Variants in ACBD5 observed in about 807,000 individuals in gnomAD.
ACBD5 encodes the protein acyl-CoA-binding domain-containing protein 5.
Under a neutral mutation model 71.8 loss-of-function variants are expected in ACBD5, and 40 were observed. The observed-to-expected ratio is 0.56, with a 90% CI of 0.43 to 0.72. The LOEUF (loss-of-function observed/expected upper bound fraction) is 0.72, where lower values mean the gene tolerates loss of function less well. ACBD5 is among the 30% of genes least tolerant of loss of function. ACBD5 has a pLI of 0.00. For missense variants in ACBD5, 559 were observed against 644.5 expected (o/e 0.87, Z 1.44); for synonymous variants, 229 against 218.6 (o/e 1.05, Z -0.42).
chr10:27,239,146 G>T (rs955570207), intron 2 of ACBD5, among the ~76,000 whole-genome samples: 1 of 152,168 alleles, frequency 6.6e-6, no homozygotes, highest in Non-Finnish European at 1.5e-5. Context: ...GAGGTGAGCT[G>T]AGATTGTACC....
In ACBD5 at chr10:27,233,420, C is replaced by T. The variant is rs1392649722; in HGVS notation, c.303-1600G>A. 6.9e-5 allele frequency among the ~76,000 whole-genome samples: 8 copies of T among 115,456 alleles called. No individual in the cohort carries two copies. The South Asian group carries it at 1.2e-3, about 18-fold the overall frequency. 75.7% of individuals were successfully genotyped at this position (115,456 alleles called of 152,430 possible). A position where few individuals can be genotyped will look rare whatever the true frequency, so the allele number is the denominator to read the frequency against. ...CAGCCTGGGCGACAGAGTGAGACTCCGTCTGAAGAAAAAAAAAAAAAAAAA... is the reference window on the plus strand; with the variant it reads ...CAGCCTGGGCGACAGAGTGAGACTCTGTCTGAAGAAAAAAAAAAAAAAAAA... On this transcript the variant is annotated intron_variant, in intron 3 of 12. Coordinates refer to ENST00000396271, the MANE Select transcript of ACBD5 (RefSeq NM_145698.5).
Position 27,197,211 on chromosome 10 carries a change from A to T in ACBD5, c.*219T>A. The T allele has an allele frequency of 1.6e-6, 1 of 644,158 alleles. No homozygotes were observed. Among genetic ancestry groups the T allele is most frequent in the Non-Finnish European group, 2.9e-6 (1 of 347,486 alleles). 39.9% of individuals were successfully genotyped at this position (644,158 alleles called of 1,614,324 possible). On this transcript the variant is annotated 3_prime_UTR_variant, in exon 13 of 13. Coordinates refer to ENST00000396271, the MANE Select transcript of ACBD5 (RefSeq NM_145698.5). ...CTGTGTATACTACTTATAACCTAGT[A>T]GAGATTGATTATTCAAGTATCAGCA...
intron 9 of ACBD5, 134 bp downstream of exon 9, chr10:27,210,680 C>G: frequency 8.6e-7 from 1 of 1,169,470 alleles, no homozygotes; most frequent in Non-Finnish European, 1.2e-6. Context: ...ATCACTTGAA[C>G]CCGGGAGGCA....
Position 27,205,944 on chromosome 10 carries a change from G to A in ACBD5, c.1405-696C>T, listed in dbSNP as rs1435523259. 1.3e-5 allele frequency among the ~76,000 whole-genome samples: 2 copies of A among 152,064 alleles called. 1 individual carries two copies. ...TGTATTGTATTTTTGTAGAGATGAG[G>A]TCTTGCTCTGTTGCCCAGGCTGGTG... On this transcript the variant is annotated intron_variant, in intron 10 of 12. Coordinates refer to ENST00000396271, the MANE Select transcript of ACBD5 (RefSeq NM_145698.5).
In ACBD5 at chr10:27,240,510, T is replaced by A. The variant is rs1478375182; in HGVS notation, c.16-26A>T. 2 of 1,579,900 alleles carry A rather than the reference T, an allele frequency of 1.3e-6. No individual in the cohort carries two copies. Among genetic ancestry groups the A allele is most frequent in the Non-Finnish European group, 8.6e-7 (1 of 1,161,892 alleles). ...CTGGAACATGGAGCGCAGCCGCGGA[T>A]CAACATGCCCCAAAAGGAGGAGGCC... is the stretch of plus-strand genomic sequence containing the variant. On this transcript the variant is annotated intron_variant, in intron 1 of 12. Transcript: ENST00000396271. This position sits in a 1 kb window ranked among gnomAD's most constrained non-coding sequence, Gnocchi z 4.1.
chr10:27,229,162 T>C lies in ACBD5; in HGVS notation c.375+2586A>G, dbSNP rs190323495. Among the ~76,000 whole-genome samples the C allele has an allele frequency of 9.2e-5, 14 of 152,064 alleles. No homozygotes were observed. In the East Asian group the frequency reaches 2.5e-3, roughly 27 times the overall value. On this transcript the variant is annotated intron_variant, in intron 4 of 12. Coordinates refer to ENST00000396271, the MANE Select transcript of ACBD5 (RefSeq NM_145698.5). The stretch of plus-strand genomic sequence containing the variant: ...ATTCAATCAACTTTCTCAGTGATAT[T>C]TCATGGGACAACTTATAAATTATGA...
intron 7 of ACBD5, among the ~76,000 whole-genome samples, chr10:27,217,455 CAAA>C (rs34616799): frequency 8.7e-5 from 10 of 115,588 alleles, no homozygotes; most frequent in African/African-American, 1.3e-4. Context: ...GACACCATCT[CAAA>C]AAAAAAAAAA....
At chr10:27,187,526 C>G (rs1002615506) in intron 13 of ACBD5, among the ~76,000 whole-genome samples, 3 of 152,104 alleles carry the variant, frequency 2.0e-5, no homozygotes, top group African/African-American at 7.2e-5. Flanking sequence ...CTGAGGCAGG[C>G]AAGTCGCTTG....
chr10:27,237,769 C>T (rs374861386), intron 2 of ACBD5, among the ~76,000 whole-genome samples: 18 of 151,386 alleles, frequency 1.2e-4, no homozygotes, highest in African/African-American at 4.1e-4. Flanking sequence ...TACAGGAACT[C>T]GCCACTACAC....
At chr10:27,226,617 C>T (rs902730332) in intron 4 of ACBD5, among the ~76,000 whole-genome samples, 1 of 150,448 alleles carries the variant, frequency 6.6e-6, no homozygotes, top group African/African-American at 2.4e-5. Context: ...AAATACCCAA[C>T]ACAAATTCGT....
intron 5 of ACBD5, 193 bp downstream of exon 5, chr10:27,223,145 T>C: frequency 1.4e-6 from 1 of 712,884 alleles, no homozygotes; most frequent in Non-Finnish European, 2.6e-6. Flanking sequence ...TGTAAGTTTG[T>C]GCAGAATTCT....
At chr10:27,193,114 CGTGTGTGTGTGTGTGT>C (rs58983291), downstream of ACBD5, among the ~76,000 whole-genome samples, 9,734 of 80,228 alleles carry the variant, frequency 0.12, 724 homozygotes, top group Non-Finnish European at 0.16. Context: ...TTCCTTCCTT[CGTGTGTGTGTGTGTGT>C]GTGTGTGTGT....
rs1327365155 is a variant in ACBD5 at position 27,197,100 on chromosome 10, T to G, written c.*330A>C. ...TGGTACCTTTGAAAAGCAGCTTATG[T>G]TACTCTATGGAAGATAATCAGGTAA... On this transcript the variant is annotated 3_prime_UTR_variant, in exon 13 of 13. Transcript: ENST00000396271. The G allele has an allele frequency of 4.2e-6, 2 of 480,176 alleles. No homozygotes were observed. Among genetic ancestry groups the G allele is most frequent in the Non-Finnish European group, 7.9e-6 (2 of 253,042 alleles). 29.7% of individuals were successfully genotyped at this position (480,176 alleles called of 1,614,324 possible).
chr10:27,226,571 G>T (rs1055237864), intron 4 of ACBD5, among the ~76,000 whole-genome samples: 7 of 151,018 alleles, frequency 4.6e-5, no homozygotes, highest in South Asian at 2.1e-4. Context: ...TGTCCAATCT[G>T]CAGTCCTCGG....
chr10:27,237,977 G>A (rs1008446630), intron 2 of ACBD5, among the ~76,000 whole-genome samples: 7 of 149,382 alleles, frequency 4.7e-5, no homozygotes, highest in Middle Eastern at 3.4e-3. Flanking sequence ...TTTCGGAGAC[G>A]GAGTCTGGCT....
rs756399571 is a variant in ACBD5 at position 27,204,432 on chromosome 10, G to A, written c.1565+8C>T. ...ATACACCATTTCAAATGATGAAACTGGTCTTACCTTCTCCTTCTTTGATAG... is the reference window on the plus strand; with the variant it reads ...ATACACCATTTCAAATGATGAAACTAGTCTTACCTTCTCCTTCTTTGATAG... On this transcript the variant is annotated splice_region_variant and intron_variant, in intron 12 of 12. Coordinates refer to ENST00000396271, the MANE Select transcript of ACBD5 (RefSeq NM_145698.5). The A allele has an allele frequency of 2.5e-6, 4 of 1,593,796 alleles. No individual in the cohort carries two copies. The highest frequency in any genetic ancestry group is 3.3e-5 in the Admixed American group (2 of 59,960).
chr10:27,201,425 A>T (rs1024744011), intron 12 of ACBD5, among the ~76,000 whole-genome samples: 6 of 152,176 alleles, frequency 3.9e-5, no homozygotes, highest in Admixed American at 2.6e-4. Context: ...TTACTTTTAA[A>T]TTTATATTAT....
intron 4 of ACBD5, among the ~76,000 whole-genome samples, chr10:27,226,449 TACACACACACACACACACAC>T (rs66967226): frequency 2.2e-5 from 3 of 134,944 alleles, no homozygotes; most frequent in Non-Finnish European, 4.6e-5. Flanking sequence ...AGATACAGAC[TACACACACACACACACACAC>T]ACACACACAC....
In ACBD5 at chr10:27,240,233, A is replaced by C; in HGVS notation, c.181+86T>G. On this transcript the variant is annotated intron_variant, in intron 2 of 12. Transcript: ENST00000396271. This position sits in a 1 kb window ranked among gnomAD's most constrained non-coding sequence, Gnocchi z 4.1. ...GGCTCCTACACAGAAAAAAAGGCTA[A>C]ATAAACAACACTAGAACCAGAAAGT... The C allele has an allele frequency of 6.2e-7, 1 of 1,608,732 alleles. No individual in the cohort carries two copies. The highest frequency in any genetic ancestry group is 8.5e-7 in the Non-Finnish European group (1 of 1,178,388).
Sources: gnomAD v4.1 joint callset for allele counts (sites outside exome capture counted in the v4.1 genomes callset) on GRCh38, gnomAD v4.1.1 for gene constraint, Gnocchi (gnomAD v3.1) non-coding constraint, MANE v1.5 for transcripts, NCBI Gene and HGNC (gene_info 2026-07-23, HGNC 2026-07-21) for gene names.